The following NEGR1 variants were observed in gnomAD, a reference collection of about 807,000 sequenced individuals.
NEGR1 encodes the protein IgLON family member 4.
Under a neutral mutation model 40.9 loss-of-function variants are expected in NEGR1, and 10 were observed. The ratio of observed to expected loss-of-function variants is 0.24; its 90% CI spans 0.15 to 0.42. The LOEUF (loss-of-function observed/expected upper bound fraction) is 0.42, where lower values mean the gene tolerates loss of function less well. Ranked by LOEUF, NEGR1 falls within the 10% of genes least tolerant of loss-of-function variation. The pLI, the probability that NEGR1 is intolerant of heterozygous loss-of-function variation, is 1.00. For synonymous variants in NEGR1, 185 were observed against 166.8 expected, an observed-to-expected ratio of 1.11 and a Z score of -0.84; for missense variants, 352 against 438.9, an observed-to-expected ratio of 0.80 and a Z score of 1.77.
At chr1:71,732,189 TC>T (rs1322544171) in intron 3 of NEGR1, among the ~76,000 whole-genome samples, 1 of 152,076 alleles carries the variant, frequency 6.6e-6, no homozygotes, top group Non-Finnish European at 1.5e-5. Flanking sequence ...ACGCCTATAG[TC>T]GCAGCTACTT....
At chr1:71,640,889 G>T (rs1210273461) in intron 4 of NEGR1, among the ~76,000 whole-genome samples, 2 of 151,888 alleles carry the variant, frequency 1.3e-5, no homozygotes, top group Non-Finnish European at 2.9e-5. Context: ...AGGAGTTCTG[G>T]ACACTGTTGA....
At chr1:71,970,652 C>T (rs1646248510) in intron 1 of NEGR1, among the ~76,000 whole-genome samples, 1 of 151,904 alleles carries the variant, frequency 6.6e-6, no homozygotes, top group African/African-American at 2.4e-5. Context: ...AGTGCCACTG[C>T]AATCCACCCT....
intron 1 of NEGR1, among the ~76,000 whole-genome samples, chr1:71,966,702 G>A (rs903092616): frequency 1.3e-5 from 2 of 152,092 alleles, no homozygotes; most frequent in African/African-American, 4.8e-5. Context: ...ATCTTTTGCA[G>A]CATGCTGAAA....
At chr1:71,739,481 C>T (rs1332919615) in intron 3 of NEGR1, among the ~76,000 whole-genome samples, 2 of 151,452 alleles carry the variant, frequency 1.3e-5, no homozygotes, top group Non-Finnish European at 2.9e-5. Flanking sequence ...GACTAATACA[C>T]CCCCACCAAA....
intron 1 of NEGR1, among the ~76,000 whole-genome samples, chr1:72,109,486 C>T (rs1445796950): frequency 1.3e-5 from 2 of 151,590 alleles, no homozygotes; most frequent in Non-Finnish European, 3.0e-5. Context: ...TCTACAGAGA[C>T]TTATTAACTT....
intron 1 of NEGR1, among the ~76,000 whole-genome samples, chr1:72,232,259 A>C (rs559101633): frequency 2.2e-4 from 33 of 151,976 alleles, no homozygotes; most frequent in Non-Finnish European, 4.1e-4. Context: ...CGGAAGGCTA[A>C]GGCAGGAGAA....
At chr1:71,505,126 A>T (rs1018342595) in intron 6 of NEGR1, among the ~76,000 whole-genome samples, 1 of 152,174 alleles carries the variant, frequency 6.6e-6, no homozygotes, top group South Asian at 2.1e-4. Context: ...TTGAAGAAGG[A>T]CTATTAGAAC....
intron 6 of NEGR1, among the ~76,000 whole-genome samples, chr1:71,534,492 T>A (rs1000404981): frequency 2.6e-5 from 4 of 151,572 alleles, no homozygotes; most frequent in African/African-American, 9.7e-5. Context: ...TTACAACAGA[T>A]CTGGCATGAA....
intron 1 of NEGR1, among the ~76,000 whole-genome samples, chr1:72,259,442 T>C (rs1655383107): frequency 6.6e-6 from 1 of 152,116 alleles, no homozygotes; most frequent in Non-Finnish European, 1.5e-5. Flanking sequence ...AAACTCCCTT[T>C]CTCCTGTACA....
chr1:72,227,266 G>A (rs1225783577), intron 1 of NEGR1, among the ~76,000 whole-genome samples: 3 of 152,042 alleles, frequency 2.0e-5, no homozygotes, highest in African/African-American at 4.8e-5. Flanking sequence ...CATAAATAAT[G>A]AGCATCAAAT....
At chr1:71,998,582 A>G (rs1406986025) in intron 1 of NEGR1, among the ~76,000 whole-genome samples, 1 of 151,774 alleles carries the variant, frequency 6.6e-6, no homozygotes, top group African/African-American at 2.4e-5. Flanking sequence ...CCTGACTCCC[A>G]CCTACCTTCT....
At chr1:72,147,808 C>T (rs906482736) in intron 1 of NEGR1, among the ~76,000 whole-genome samples, 3 of 152,084 alleles carry the variant, frequency 2.0e-5, no homozygotes, top group Non-Finnish European at 2.9e-5. Flanking sequence ...AGGGCCCACA[C>T]AAGTCTGAAA....
At chr1:71,942,485 T>TATATATATATATATATA (rs61271690) in intron 1 of NEGR1, among the ~76,000 whole-genome samples, 1 of 5,008 alleles carries the variant, frequency 2.0e-4, no homozygotes, top group Non-Finnish European at 3.3e-4. Flanking sequence ...ATATATATAT[T>TATATATATATATATATA]TTTTTTTTTT....
At chr1:71,884,086 T>A (rs1302064100) in intron 2 of NEGR1, among the ~76,000 whole-genome samples, 1 of 152,076 alleles carries the variant, frequency 6.6e-6, no homozygotes, top group African/African-American at 2.4e-5. Flanking sequence ...GAAATCAAAT[T>A]GGTCATTTTC....
intron 1 of NEGR1, among the ~76,000 whole-genome samples, chr1:72,230,932 G>T (rs935377727): frequency 2.6e-5 from 4 of 152,090 alleles, no homozygotes; most frequent in African/African-American, 9.7e-5. Context: ...CAAAAAAGAT[G>T]TGCACTTTTC....
chr1:71,622,287 A>G (rs1481538594), intron 4 of NEGR1, among the ~76,000 whole-genome samples: 2 of 151,906 alleles, frequency 1.3e-5, no homozygotes, highest in Non-Finnish European at 2.9e-5. Context: ...GATATATTGG[A>G]CAAGTTTGCA....
rs543679746 is a variant in NEGR1, at chr1:71,729,452, G to A, written c.536-31313C>T. Among the ~76,000 whole-genome samples the A allele has an allele frequency of 4.6e-5, 7 of 152,146 alleles. No homozygotes were observed. In the South Asian group the frequency reaches 1.5e-3, roughly 32 times the overall value. On this transcript the variant is annotated intron_variant, in intron 3 of 6. Coordinates refer to ENST00000357731, the MANE Select transcript of NEGR1 (RefSeq NM_173808.3). ...TTTATCTTCTGTCTTCTTTACTGGA[G>A]TGAAAGCTCTAGAAGATGCTTTTTT...
chr1:72,236,515 G>A (rs1486313776), intron 1 of NEGR1, among the ~76,000 whole-genome samples: 4 of 151,948 alleles, frequency 2.6e-5, no homozygotes, highest in Non-Finnish European at 5.9e-5. Flanking sequence ...CTGTACTAAT[G>A]TCTAGTTCAT....
intron 6 of NEGR1, among the ~76,000 whole-genome samples, chr1:71,508,787 G>A (rs112029040): frequency 1.3e-3 from 193 of 152,276 alleles, no homozygotes; most frequent in African/African-American, 4.4e-3. Context: ...AACTGCATCT[G>A]TCCAGGGGCT....
Sources: allele counts gnomAD v4.1 joint callset (sites outside exome capture counted in the v4.1 genomes callset), GRCh38; gene constraint gnomAD v4.1.1; transcripts MANE v1.5; gene names NCBI Gene and HGNC (gene_info 2026-07-23, HGNC 2026-07-21).